KDM1B: variants seen among roughly 807,000 people sequenced by gnomAD.
KDM1B encodes lysine-specific histone demethylase 2.
In KDM1B, 63 loss-of-function variants were observed where a neutral mutation model predicts 107.4. The ratio of observed to expected loss-of-function variants is 0.59; its 90% CI spans 0.48 to 0.72. KDM1B has a LOEUF of 0.72. KDM1B is among the 30% of genes least tolerant of loss of function. The pLI is 0.00. For missense variants in KDM1B, 749 were observed against 1,020.8 expected (o/e 0.73, Z 3.63); for synonymous variants, 363 against 363.9 (o/e 1.00, Z 0.03).
chr6:18,185,652 T>A, intron 7 of KDM1B, 120 bp from the exon 8 acceptor site: 1 of 894,518 alleles, frequency 1.1e-6, no homozygotes, highest in Non-Finnish European at 1.9e-6. Flanking sequence ...CATTGTTTCA[T>A]AAAAATGCTT....
At chr6:18,178,735 C>G (rs1245845671) in intron 7 of KDM1B, among the ~76,000 whole-genome samples, 1 of 152,178 alleles carries the variant, frequency 6.6e-6, no homozygotes, top group Non-Finnish European at 1.5e-5. Flanking sequence ...TGCACTGTTG[C>G]AACTATATAG....
intron 6 of KDM1B, among the ~76,000 whole-genome samples, chr6:18,170,043 C>T (rs990845773): frequency 1.3e-4 from 20 of 151,680 alleles, no homozygotes; most frequent in African/African-American, 2.4e-5. Context: ...TGAGTAGCTG[C>T]GATTACAGGC....
intron 7 of KDM1B, among the ~76,000 whole-genome samples, chr6:18,177,785 T>A (rs1786125344): frequency 6.6e-6 from 1 of 152,122 alleles, no homozygotes; most frequent in African/African-American, 2.4e-5. Context: ...ACACCTGTTT[T>A]GTAAATAAAG....
intron 4 of KDM1B, among the ~76,000 whole-genome samples, chr6:18,161,732 A>G (rs1208479240): frequency 2.0e-5 from 3 of 152,204 alleles, no homozygotes; most frequent in African/African-American, 7.2e-5. Flanking sequence ...CCAAGGGTTG[A>G]GGGTGGGATG....
Position 18,197,318 on chromosome 6 carries a change from C to A in KDM1B, c.1146+85C>A. 2 of 1,226,966 alleles carry A rather than the reference C, an allele frequency of 1.6e-6. No individual in the cohort carries two copies. Among genetic ancestry groups the A allele is most frequent in the Non-Finnish European group, 2.3e-6 (2 of 879,982 alleles). The allele number at this position is 1,226,966 out of a possible 1,614,324, so 76.0% of individuals were successfully genotyped here. On this transcript the variant is annotated intron_variant, in intron 11 of 21. Transcript: ENST00000650836. This position sits in a 1 kb window ranked among gnomAD's most constrained non-coding sequence, Gnocchi z 4.5. ...TGCTGTTAATAAATATAGTAAAAGC[C>A]ACATTATCACCATAAAACTTAACAG...
At chr6:18,168,892 G>A (rs1417668901) in intron 6 of KDM1B, among the ~76,000 whole-genome samples, 1 of 152,106 alleles carries the variant, frequency 6.6e-6, no homozygotes. Flanking sequence ...TCGTCTTTGA[G>A]ATGGAGTCTT....
At chr6:18,171,540 G>C in intron 7 of KDM1B, 61 bp downstream of exon 7, 1 of 894,068 alleles carries the variant, frequency 1.1e-6, no homozygotes, top group Non-Finnish European at 1.9e-6. Flanking sequence ...AAATAGTAAT[G>C]GTGTATATGT....
At chr6:18,199,696 A>G (rs1293217148) in intron 12 of KDM1B, among the ~76,000 whole-genome samples, 3 of 143,612 alleles carry the variant, frequency 2.1e-5, no homozygotes, top group Non-Finnish European at 3.0e-5. Flanking sequence ...ATGGAGTGGC[A>G]TACTTTTTTT....
Position 18,212,550 on chromosome 6 carries a change from G to A in KDM1B, c.1929G>A (p.Leu643=). The part of the protein sequence containing the change: ...QKGAIQFNPP[L]SEKKMKAINS... ...GTGCCATTCAGTTTAATCCACCGTT[G>A]TCAGAGAAGAAGATGAAGGCTATCA... Residue 643 remains leucine, a synonymous_variant, in exon 18 of 22, where the codon TTG becomes TTA. Transcript: ENST00000650836. This position sits in a 1 kb window ranked among gnomAD's most constrained non-coding sequence, Gnocchi z 5.2. 6.2e-7 allele frequency: 1 copy of A among 1,614,204 alleles called. No homozygotes were observed. The highest frequency in any genetic ancestry group is 8.5e-7 in the Non-Finnish European group (1 of 1,180,020).
chr6:18,197,323 T>C lies in KDM1B; in HGVS notation c.1146+90T>C. The C allele has an allele frequency of 1.7e-6, 2 of 1,211,066 alleles. No homozygotes were observed. The highest frequency in any genetic ancestry group is 3.0e-5 in the South Asian group (2 of 67,708). 75.0% of individuals were successfully genotyped at this position (1,211,066 alleles called of 1,614,324 possible). On this transcript the variant is annotated intron_variant, in intron 11 of 21. Coordinates refer to ENST00000650836, the MANE Select transcript of KDM1B (RefSeq NM_001364614.2). The surrounding 1 kb of genome is among the most constrained non-coding windows in gnomAD (Gnocchi z 4.5). Reference sequence around the variant, plus strand: ...TTAATAAATATAGTAAAAGCCACATTATCACCATAAAACTTAACAGAAGCA... The same window carrying C: ...TTAATAAATATAGTAAAAGCCACATCATCACCATAAAACTTAACAGAAGCA...
intron 21 of KDM1B, among the ~76,000 whole-genome samples, chr6:18,218,112 C>T (rs913551434): frequency 1.3e-5 from 2 of 151,932 alleles, no homozygotes; most frequent in African/African-American, 4.8e-5. Context: ...GTTTATATTG[C>T]CATCTCTCTT....
chr6:18,208,206 G>A lies in KDM1B; in HGVS notation c.1866G>A (p.Lys622=). 2 of 1,612,074 alleles carry A rather than the reference G, an allele frequency of 1.2e-6. No homozygotes were observed. Among genetic ancestry groups the A allele is most frequent in the Non-Finnish European group, 1.7e-6 (2 of 1,178,432 alleles). Residue 622 remains lysine (K), a splice_region_variant and synonymous_variant, in exon 17 of 22, where the codon AAG becomes AAA. Coordinates refer to ENST00000650836, the MANE Select transcript of KDM1B (RefSeq NM_001364614.2). ...ATGGCACAGGGTATTCTGCACAAAA[G>A]GTAAGAGCTAGGGCAGTACAAGGGT... ...TTDGTGYSAQ[K]VLVTVPLALL...
In KDM1B at chr6:18,214,867, A is replaced by G; in HGVS notation, c.2110-140A>G. On this transcript the variant is annotated intron_variant, in intron 19 of 21. Transcript: ENST00000650836. The surrounding 1 kb of genome is among the most constrained non-coding windows in gnomAD (Gnocchi z 4.4). ...AGAGGTTGCAGTGAGCCAAGATTGC[A>G]CCATTGCACTCCAGCCTGGGTGACA... 1.4e-6 allele frequency: 1 copy of G among 704,468 alleles called. No individual in the cohort carries two copies. Among genetic ancestry groups the G allele is most frequent in the Non-Finnish European group, 2.2e-6 (1 of 449,660 alleles). The allele number at this position is 704,468 out of a possible 1,614,324, so 43.6% of individuals were successfully genotyped here. A position where few individuals can be genotyped will look rare whatever the true frequency, so the allele number is the denominator to read the frequency against.
rs544351787 is a variant in KDM1B, at chr6:18,204,778, G to A, written c.1532-759G>A. 5.9e-5 allele frequency among the ~76,000 whole-genome samples: 9 copies of A among 152,322 alleles called. No individual in the cohort carries two copies. In the East Asian group the frequency reaches 1.4e-3, roughly 23 times the overall value. On this transcript the variant is annotated intron_variant, in intron 14 of 21. Transcript: ENST00000650836. This position sits in a 1 kb window ranked among gnomAD's most constrained non-coding sequence, Gnocchi z 4.9. Reference sequence around the variant, plus strand: ...GGCTTGCCACGGCCCGGTGATGCCCGACTATAAAGAATGGATGGGATTGGG... The same window carrying A: ...GGCTTGCCACGGCCCGGTGATGCCCAACTATAAAGAATGGATGGGATTGGG...
rs550658273 is a variant in KDM1B at position 18,222,172 on chromosome 6, C to A, written c.*180C>A. 85 of 702,958 alleles carry A rather than the reference C, an allele frequency of 1.2e-4. No individual in the cohort carries two copies. The African/African-American group carries it at 1.3e-3, about 11-fold the overall frequency. 43.5% of individuals were successfully genotyped at this position (702,958 alleles called of 1,614,324 possible). ...CTCTAAAAGCACTGACCTCAAAAAA[C>A]CTTATAAGCACTTAGATTTAATTGC... On this transcript the variant is annotated 3_prime_UTR_variant, in exon 22 of 22. Coordinates refer to ENST00000650836, the MANE Select transcript of KDM1B (RefSeq NM_001364614.2).
intron 9 of KDM1B, 81 bp downstream of exon 9, chr6:18,188,083 G>T: frequency 7.7e-7 from 1 of 1,297,066 alleles, no homozygotes; most frequent in South Asian, 1.3e-5. Context: ...AAAACGCAAA[G>T]GATTTTTTTT....
chr6:18,170,493 T>G (rs1035866103), intron 6 of KDM1B, among the ~76,000 whole-genome samples: 1 of 152,136 alleles, frequency 6.6e-6, no homozygotes, highest in African/African-American at 2.4e-5. Flanking sequence ...CTGATTTTTT[T>G]TTTTTAGACA....
chr6:18,210,342 C>CTTTTTTTTTTTTTTGTTT (rs1788744205), intron 17 of KDM1B, among the ~76,000 whole-genome samples: 1 of 69,990 alleles, frequency 1.4e-5, no homozygotes, highest in Non-Finnish European at 2.9e-5. Context: ...TCTTTCTTTT[C>CTTTTTTTTTTTTTTGTTT]TTTTTTTTTT....
chr6:18,222,019 G>A lies in KDM1B; in HGVS notation c.*27G>A. On this transcript the variant is annotated 3_prime_UTR_variant, in exon 22 of 22. Coordinates refer to ENST00000650836, the MANE Select transcript of KDM1B (RefSeq NM_001364614.2). Reference sequence around the variant, plus strand: ...AATTCGGTGGACCCAGCTTTCTTCTGTACCCCAGATGGGGAAATTTGAATC... The same window carrying A: ...AATTCGGTGGACCCAGCTTTCTTCTATACCCCAGATGGGGAAATTTGAATC... 4 of 1,602,286 alleles carry A rather than the reference G, an allele frequency of 2.5e-6. No individual in the cohort carries two copies. Among genetic ancestry groups the A allele is most frequent in the Non-Finnish European group, 3.4e-6 (4 of 1,169,252 alleles).
Sources: allele counts gnomAD v4.1 joint callset (sites outside exome capture counted in the v4.1 genomes callset), GRCh38; gene constraint gnomAD v4.1.1; non-coding constraint Gnocchi (gnomAD v3.1); transcripts MANE v1.5; gene names NCBI Gene and HGNC (gene_info 2026-07-23, HGNC 2026-07-21).